CEP128: variants seen among roughly 807,000 people sequenced by gnomAD.
The protein encoded by CEP128 is centrosomal protein 128kDa.
In CEP128, 132 loss-of-function variants were observed where a neutral mutation model predicts 156.7. That is an observed-to-expected ratio of 0.84 (90% CI 0.73 to 0.97). The LOEUF (loss-of-function observed/expected upper bound fraction) is 0.97. CEP128 is among the 50% of genes least tolerant of loss of function. The pLI is 0.00. For missense variants in CEP128, 1,252 were observed against 1,281.9 expected, an observed-to-expected ratio of 0.98 and a Z score of 0.36; for synonymous variants, 469 against 448.9, an observed-to-expected ratio of 1.04 and a Z score of -0.57.
At chr14:80,932,194 G>A (rs1026152490) in intron 2 of CEP128, among the ~76,000 whole-genome samples, 2 of 152,164 alleles carry the variant, frequency 1.3e-5, no homozygotes, top group African/African-American at 2.4e-5. Context: ...GCAGCCATGC[G>A]GAACTATGGG....
intron 19 of CEP128, among the ~76,000 whole-genome samples, chr14:80,710,978 T>C (rs905448046): frequency 3.3e-5 from 5 of 152,160 alleles, no homozygotes; most frequent in Non-Finnish European, 5.9e-5. Context: ...AAGTAAATCT[T>C]GATAACTTAT....
chr14:80,597,143 A>G lies in CEP128; in HGVS notation c.2807-16720T>C, dbSNP rs538826171. On this transcript the variant is annotated intron_variant, in intron 19 of 24. Transcript: ENST00000555265. Reference sequence around the variant, plus strand: ...ATGAAACAATGAGCTGGTTCCTTACAAAGTTCAATAAAATTGACAAACCTT... The same window carrying G: ...ATGAAACAATGAGCTGGTTCCTTACGAAGTTCAATAAAATTGACAAACCTT... 2.0e-5 allele frequency among the ~76,000 whole-genome samples: 3 copies of G among 152,174 alleles called. No homozygotes were observed. The South Asian group carries it at 6.2e-4, about 32-fold the overall frequency.
At chr14:80,543,671 T>C (rs1889862357) in intron 21 of CEP128, among the ~76,000 whole-genome samples, 1 of 152,206 alleles carries the variant, frequency 6.6e-6, no homozygotes, top group Non-Finnish European at 1.5e-5. Flanking sequence ...CACAACCAAT[T>C]GCTTTCTTGA....
At chr14:80,721,602 ATATTT>A (rs1251200685) in intron 19 of CEP128, among the ~76,000 whole-genome samples, 3 of 152,194 alleles carry the variant, frequency 2.0e-5, no homozygotes, top group African/African-American at 4.8e-5. Context: ...TACCTTTTTA[ATATTT>A]TATTATCAGA....
intron 19 of CEP128, among the ~76,000 whole-genome samples, chr14:80,717,943 T>C (rs1897669135): frequency 1.3e-5 from 2 of 152,204 alleles, no homozygotes; most frequent in South Asian, 2.1e-4. Context: ...GCTTCCCTAG[T>C]AGCTCTGACT....
intron 20 of CEP128, among the ~76,000 whole-genome samples, chr14:80,577,169 G>A (rs965650684): frequency 6.6e-6 from 1 of 152,066 alleles, no homozygotes; most frequent in East Asian, 1.9e-4. Flanking sequence ...TTGTTTAAAT[G>A]TTGGTGTTTC....
chr14:80,878,974 C>T (rs959422970), intron 8 of CEP128, among the ~76,000 whole-genome samples: 3 of 152,170 alleles, frequency 2.0e-5, no homozygotes, highest in African/African-American at 7.2e-5. Context: ...CTAAGGAAGA[C>T]AAAAACAGGA....
At chr14:80,766,415 T>A (rs1034168011) in intron 16 of CEP128, among the ~76,000 whole-genome samples, 10 of 152,210 alleles carry the variant, frequency 6.6e-5, no homozygotes, top group Non-Finnish European at 1.3e-4. Flanking sequence ...TAATTATAGA[T>A]TTATGTTTCA....
intron 8 of CEP128, among the ~76,000 whole-genome samples, chr14:80,867,403 A>G (rs565033665): frequency 6.6e-6 from 1 of 152,312 alleles, no homozygotes; most frequent in South Asian, 2.1e-4. Flanking sequence ...CTATTTTTAT[A>G]TTGCAATTGA....
chr14:80,699,455 A>G (rs1434491016), intron 19 of CEP128, among the ~76,000 whole-genome samples: 13 of 152,192 alleles, frequency 8.5e-5, no homozygotes, highest in Non-Finnish European at 1.6e-4. Context: ...TCTCCCAAGG[A>G]CACAAGTACT....
chr14:80,862,969 T>C, intron 8 of CEP128, 96 bp from the exon 9 acceptor site: 1 of 754,164 alleles, frequency 1.3e-6, no homozygotes, highest in Admixed American at 2.3e-5. Context: ...CACTACTGCT[T>C]AAAGCATTTA....
At chr14:80,945,620 C>G (rs1355162264), upstream of CEP128, 1 of 152,176 alleles carries the variant, frequency 6.6e-6, no homozygotes, top group Non-Finnish European at 1.5e-5. Context: ...TTGGGCCAAT[C>G]AGGCTCTTTA....
At chr14:80,781,481 G>T (rs900195781) in intron 15 of CEP128, among the ~76,000 whole-genome samples, 9 of 141,084 alleles carry the variant, frequency 6.4e-5, no homozygotes, top group African/African-American at 1.5e-4. Context: ...AAAAAGTAAT[G>T]AATGTACATG....
rs1192785505 is a variant in CEP128, at chr14:80,954,265, G to A, written c.-172+3913C>T. 4.7e-5 allele frequency among the ~76,000 whole-genome samples: 7 copies of A among 149,526 alleles called. No individual in the cohort carries two copies. The South Asian group carries it at 6.3e-4, about 13-fold the overall frequency. The stretch of plus-strand genomic sequence containing the variant: ...AGCCTGGGCGACGGAGCAAGACTCC[G>A]TTTCAAAAGAAAAAAAAAAAGAAAA... On this transcript the variant is annotated intron_variant, in intron 2 of 7. Coordinates refer to the CEP128 transcript ENST00000555529.
intron 9 of CEP128, among the ~76,000 whole-genome samples, chr14:80,844,990 G>C (rs894934120): frequency 6.6e-6 from 1 of 152,026 alleles, no homozygotes; most frequent in African/African-American, 2.4e-5. Flanking sequence ...AATTCCCTTT[G>C]CTCTGTTTCG....
At chr14:80,789,839 G>A (rs1901611306) in intron 14 of CEP128, among the ~76,000 whole-genome samples, 1 of 151,514 alleles carries the variant, frequency 6.6e-6, no homozygotes. Context: ...CTAACTAAAA[G>A]GTAGATGAGG....
chr14:80,830,931 C>A (rs1885756410), intron 13 of CEP128: 1 of 471,794 alleles, frequency 2.1e-6, no homozygotes, highest in Non-Finnish European at 3.7e-6. Context: ...GGAAAATCAT[C>A]CAGGTTCCTG....
chr14:80,783,180 C>T (rs776327989), intron 15 of CEP128, among the ~76,000 whole-genome samples: 2 of 152,128 alleles, frequency 1.3e-5, no homozygotes, highest in African/African-American at 2.4e-5. Flanking sequence ...ACAACAAAAA[C>T]AAACTAGATT....
intron 19 of CEP128, among the ~76,000 whole-genome samples, chr14:80,718,326 G>A (rs1169717351): frequency 1.3e-5 from 2 of 152,092 alleles, no homozygotes; most frequent in African/African-American, 2.4e-5. Context: ...AAGTAAAGTT[G>A]CATAACATTT....
Sources: allele counts gnomAD v4.1 joint callset (sites outside exome capture counted in the v4.1 genomes callset), GRCh38; gene constraint gnomAD v4.1.1; transcripts MANE v1.5; gene names NCBI Gene and HGNC (gene_info 2026-07-23, HGNC 2026-07-21).